Variants in CPNE4 observed in about 807,000 individuals in gnomAD.
CPNE4 encodes the protein copine-4.
CPNE4 carries 25 observed loss-of-function variants against 67.9 expected under a neutral mutation model. The observed-to-expected ratio is 0.37, with a 90% CI of 0.27 to 0.51. The LOEUF is 0.51. Among genes scored for constraint, CPNE4 ranks in the 20% least tolerant of loss-of-function variants. CPNE4 has a pLI of 0.93. For synonymous variants in CPNE4, 242 were observed against 244.9 expected (o/e 0.99, Z 0.11); for missense variants, 464 against 690.8 (o/e 0.67, Z 3.68).
chr3:131,879,916 T>C (rs1014180948), intron 2 of CPNE4, among the ~76,000 whole-genome samples: 1 of 152,090 alleles, frequency 6.6e-6, no homozygotes, highest in East Asian at 1.9e-4. Flanking sequence ...TCAAGTAATA[T>C]CTTCTCTATA....
intron 1 of CPNE4, among the ~76,000 whole-genome samples, chr3:131,943,599 A>T (rs1055576082): frequency 1.3e-5 from 2 of 152,086 alleles, no homozygotes; most frequent in African/African-American, 4.8e-5. Context: ...AGCCATTTGC[A>T]TTAATTCTGT....
chr3:132,000,517 T>C (rs376119886), intron 1 of CPNE4, among the ~76,000 whole-genome samples: 2 of 151,016 alleles, frequency 1.3e-5, no homozygotes, highest in South Asian at 4.2e-4. Flanking sequence ...ATAAATAAAA[T>C]ATCAAATTTA....
At chr3:131,926,693 A>C (rs2070905154) in intron 1 of CPNE4, among the ~76,000 whole-genome samples, 1 of 152,114 alleles carries the variant, frequency 6.6e-6, no homozygotes, top group East Asian at 1.9e-4. Flanking sequence ...AAACCTCACT[A>C]AGCAAAATGT....
At chr3:131,568,408 C>G (rs541777720) in intron 10 of CPNE4, among the ~76,000 whole-genome samples, 2 of 152,090 alleles carry the variant, frequency 1.3e-5, no homozygotes, top group African/African-American at 4.8e-5. Context: ...GAAATAAAAG[C>G]AAGAAAATGA....
At chr3:131,660,729 GATA>G (rs1303300930) in intron 7 of CPNE4, among the ~76,000 whole-genome samples, 2 of 152,120 alleles carry the variant, frequency 1.3e-5, no homozygotes, top group African/African-American at 2.4e-5. Flanking sequence ...GCAAAATGAG[GATA>G]ATAAGAGTGT....
At chr3:131,735,498 A>T (rs2082214176) in intron 2 of CPNE4, among the ~76,000 whole-genome samples, 1 of 152,244 alleles carries the variant, frequency 6.6e-6, no homozygotes, top group South Asian at 2.1e-4. Flanking sequence ...CATCATGCAG[A>T]ACAATGTTAA....
intron 2 of CPNE4, among the ~76,000 whole-genome samples, chr3:131,792,670 TACATATATAC>T (rs2083779530): frequency 1.5e-4 from 11 of 71,768 alleles, no homozygotes; most frequent in African/African-American, 6.3e-4. Flanking sequence ...CGTGTATATA[TACATATATAC>T]ACACGTGTAT....
Position 131,586,142 on chromosome 3 carries a change from G to A in CPNE4, c.780+1342C>T, listed in dbSNP as rs181299301. On this transcript the variant is annotated intron_variant, in intron 8 of 15. Transcript: ENST00000429747. ...CATCTCTAATTAGCACTTCTGATCA[G>A]AACAGGCACAGAGTATTATCTCTAA... Among the ~76,000 whole-genome samples, 350 of 151,748 alleles carry A rather than the reference G, an allele frequency of 2.3e-3. 2 individuals carry two copies. Among genetic ancestry groups the A allele is most frequent in the African/African-American group, 8.3e-3 (340 of 41,148 alleles).
chr3:131,741,344 T>C (rs6806286), intron 2 of CPNE4, among the ~76,000 whole-genome samples: 84,866 of 151,894 alleles, frequency 0.56, 24,540 homozygotes, highest in Non-Finnish European at 0.63. Context: ...ACATATCAGG[T>C]CCACATTTAT....
At chr3:131,759,661 T>C (rs1211796950) in intron 2 of CPNE4, among the ~76,000 whole-genome samples, 2 of 152,202 alleles carry the variant, frequency 1.3e-5, no homozygotes, top group African/African-American at 4.8e-5. Flanking sequence ...CAAGTACTGA[T>C]GTTGTACTTA....
chr3:131,835,140 T>C (rs758764305), intron 2 of CPNE4, among the ~76,000 whole-genome samples: 3 of 152,186 alleles, frequency 2.0e-5, no homozygotes, highest in Non-Finnish European at 2.9e-5. Context: ...GAAGGAAGCC[T>C]TGACTGTGAG....
intron 7 of CPNE4, among the ~76,000 whole-genome samples, chr3:131,588,414 A>T (rs1490582498): frequency 6.6e-6 from 1 of 152,186 alleles, no homozygotes; most frequent in Non-Finnish European, 1.5e-5. Flanking sequence ...TCATTGCTAC[A>T]TCTTAAGCCA....
intron 1 of CPNE4, among the ~76,000 whole-genome samples, chr3:131,988,209 T>C (rs961014535): frequency 6.6e-6 from 1 of 152,094 alleles, no homozygotes; most frequent in African/African-American, 2.4e-5. Flanking sequence ...GTTGAGTTGT[T>C]GAAAGAAGGT....
At chr3:132,013,021 G>A (rs907440284) in intron 1 of CPNE4, among the ~76,000 whole-genome samples, 4 of 152,122 alleles carry the variant, frequency 2.6e-5, no homozygotes, top group Non-Finnish European at 5.9e-5. Context: ...TCAGGAGATC[G>A]AGACCAGCCT....
At chr3:131,619,708 G>A (rs911223481) in intron 7 of CPNE4, among the ~76,000 whole-genome samples, 6 of 152,122 alleles carry the variant, frequency 3.9e-5, no homozygotes, top group East Asian at 1.9e-4. Context: ...TCACTTTGGC[G>A]TATTTATTAC....
At chr3:131,638,769 C>A (rs1184177149) in intron 7 of CPNE4, among the ~76,000 whole-genome samples, 1 of 152,068 alleles carries the variant, frequency 6.6e-6, no homozygotes, top group African/African-American at 2.4e-5. Context: ...ATATGATAGG[C>A]CCCAAAACAA....
At chr3:131,639,629 A>C (rs1421276982) in intron 7 of CPNE4, among the ~76,000 whole-genome samples, 12 of 152,138 alleles carry the variant, frequency 7.9e-5, no homozygotes, top group Non-Finnish European at 1.5e-4. Context: ...AAGACAGAGA[A>C]AGAAGGAATC....
chr3:131,970,079 G>A (rs1418698291), intron 1 of CPNE4, among the ~76,000 whole-genome samples: 1 of 152,174 alleles, frequency 6.6e-6, no homozygotes, highest in Non-Finnish European at 1.5e-5. Context: ...TTTGGGTATA[G>A]AGCCATATGA....
intron 1 of CPNE4, among the ~76,000 whole-genome samples, chr3:132,006,744 G>A (rs1413992653): frequency 6.6e-6 from 1 of 151,764 alleles, no homozygotes; most frequent in African/African-American, 2.4e-5. Context: ...TGAGCAATCA[G>A]AAGTAACTGG....
Sources: gnomAD v4.1 joint callset for allele counts (sites outside exome capture counted in the v4.1 genomes callset) on GRCh38, gnomAD v4.1.1 for gene constraint, MANE v1.5 for transcripts, NCBI Gene and HGNC (gene_info 2026-07-23, HGNC 2026-07-21) for gene names.